CFAP65: variants seen among roughly 807,000 people sequenced by gnomAD.
CFAP65 encodes the protein cilia- and flagella-associated protein 65.
A neutral mutation model predicts 208.0 loss-of-function variants in CFAP65; 155 were observed. That is an observed-to-expected ratio of 0.75 (90% confidence interval 0.65 to 0.85). The LOEUF (loss-of-function observed/expected upper bound fraction) is 0.85. Ranked by LOEUF, CFAP65 falls within the 40% of genes least tolerant of loss-of-function variation. The probability of loss-of-function intolerance (pLI) is 0.00; values close to 1 mark genes in which losing one functional copy is unlikely to be tolerated. For missense variants in CFAP65, 2,294 were observed against 2,451.3 expected (o/e 0.94, Z 1.36); for synonymous variants, 970 against 986.3 (o/e 0.98, Z 0.31).
At chr2:219,035,397 GTTTGT>G (rs752075836) in intron 5 of CFAP65, 78 bp downstream of exon 5, 10 of 1,606,618 alleles carry the variant, frequency 6.2e-6, no homozygotes, top group South Asian at 4.4e-5. Flanking sequence ...GGTTTTTTTT[GTTTGT>G]TTTGTTTTGT....
intron 29 of CFAP65, among the ~76,000 whole-genome samples, chr2:219,007,583 A>T (rs545946647): frequency 6.6e-6 from 1 of 152,298 alleles, no homozygotes; most frequent in South Asian, 2.1e-4. Flanking sequence ...AGGAGCAAGA[A>T]TACCAGTGTA....
Position 219,003,327 on chromosome 2 carries a change from C to T in CFAP65, c.5556-55G>A, listed in dbSNP as rs1945710826. ...CGGCCGCAGTGCCCGCGCGCCTCCT[C>T]GCTCGCCTGTCCGTGCGGTACATTG... On this transcript the variant is annotated intron_variant, in intron 33 of 34. Coordinates refer to ENST00000341552, the MANE Select transcript of CFAP65 (RefSeq NM_194302.4). This position sits in a 1 kb window ranked among gnomAD's most constrained non-coding sequence, Gnocchi z 4.4. 9 of 1,473,184 alleles carry T rather than the reference C, an allele frequency of 6.1e-6. No individual in the cohort carries two copies. The highest frequency in any genetic ancestry group is 2.8e-5 in the South Asian group (2 of 71,908). 91.3% of individuals were successfully genotyped at this position (1,473,184 alleles called of 1,614,324 possible). A position where few individuals can be genotyped will look rare whatever the true frequency, so the allele number is the denominator to read the frequency against.
intron 15 of CFAP65, 117 bp downstream of exon 15, chr2:219,023,898 A>T: frequency 8.0e-7 from 1 of 1,246,160 alleles, no homozygotes; most frequent in Admixed American, 2.2e-5. Context: ...TACTTCCTGG[A>T]GGAGAAGTGG....
Position 219,032,446 on chromosome 2 carries a change from C to G in CFAP65, c.645+24G>C. ...CACTGCTCCCAGGTACCTCCCTGCC[C>G]TCACTCGCTGTGGCAGACCTTACCG... On this transcript the variant is annotated intron_variant, in intron 6 of 34. Coordinates refer to ENST00000341552, the MANE Select transcript of CFAP65 (RefSeq NM_194302.4). This position sits in a 1 kb window ranked among gnomAD's most constrained non-coding sequence, Gnocchi z 5.5. 1 of 1,557,500 alleles carries G rather than the reference C, an allele frequency of 6.4e-7. No individual in the cohort carries two copies. The highest frequency in any genetic ancestry group is 8.7e-7 in the Non-Finnish European group (1 of 1,149,034).
chr2:219,026,198 T>C, intron 13 of CFAP65, 39 bp from the exon 14 acceptor site: 2 of 1,593,180 alleles, frequency 1.3e-6, no homozygotes, highest in South Asian at 1.1e-5. Context: ...CTCAGAGTCC[T>C]GTGTCTGCCC....
intron 18 of CFAP65, 83 bp from the exon 19 acceptor site, chr2:219,021,363 G>GT: frequency 7.0e-7 from 1 of 1,424,374 alleles, no homozygotes; most frequent in Non-Finnish European, 9.2e-7. Context: ...CCCTTCCCTG[G>GT]GCACCAGGGG....
At position 219,024,014 on chromosome 2, in the gene CFAP65, C is replaced by A; in HGVS notation, c.2595+1G>T. The A allele has an allele frequency of 6.2e-7, 1 of 1,612,632 alleles. No individual in the cohort carries two copies. The highest frequency in any genetic ancestry group is 8.5e-7 in the Non-Finnish European group (1 of 1,179,056). ...CCAGGTCCCCTCCCTCTGCCTCCTA[C>A]CTTGAGATACTGGGGGGAAGCATTG... On this transcript the variant is annotated splice_donor_variant, in intron 15 of 34. Transcript: ENST00000341552. LOFTEE classifies it high-confidence loss of function.
chr2:219,040,482 T>G (rs1948600127), intron 2 of CFAP65, 37 bp downstream of exon 2: 1 of 1,042,838 alleles, frequency 9.6e-7, no homozygotes. Flanking sequence ...TACCAGGTAC[T>G]GTGCTAGGCA....
intron 15 of CFAP65, 87 bp downstream of exon 15, chr2:219,023,928 G>A: frequency 6.7e-7 from 1 of 1,499,032 alleles, no homozygotes; most frequent in Non-Finnish European, 9.0e-7. Context: ...AATCTTAGGG[G>A]CCAACCCCAG....
intron 21 of CFAP65, among the ~76,000 whole-genome samples, chr2:219,016,859 C>G (rs1484316168): frequency 1.3e-5 from 2 of 152,234 alleles, no homozygotes; most frequent in African/African-American, 4.8e-5. Context: ...TTCAAAGGCC[C>G]TGTATGTCCT....
At chr2:219,021,704 C>A in intron 18 of CFAP65, 76 bp downstream of exon 18, 1 of 1,524,790 alleles carries the variant, frequency 6.6e-7, no homozygotes, top group South Asian at 1.2e-5. Flanking sequence ...TGCCAGTGTG[C>A]CCAGCAGGTT....
At chr2:219,007,664 C>A (rs1202033432) in intron 29 of CFAP65, among the ~76,000 whole-genome samples, 1 of 152,094 alleles carries the variant, frequency 6.6e-6, no homozygotes, top group African/African-American at 2.4e-5. Flanking sequence ...GACCCTCCCC[C>A]TCCCAAAACA....
At chr2:219,019,772 G>GAGGGGGCATGCAGGCCAAAGGTGC in intron 19 of CFAP65, 53 bp from the exon 20 acceptor site, 1 of 1,514,690 alleles carries the variant, frequency 6.6e-7, no homozygotes, top group African/African-American at 1.4e-5. Context: ...ACCTTCCCTG[G>GAGGGGGCATGCAGGCCAAAGGTGC]AGGGGGCATG....
In CFAP65 at chr2:219,004,118, C is replaced by T. The variant is rs1317152780; in HGVS notation, c.5389G>A (p.Glu1797Lys). ...EEELGKEEIE[E>K]KEEERDEKEE... Reference sequence around the variant, plus strand: ...TTCTCATCCCTCTCCTCCTCCTTCTCCTCTATCTCCTCCTTGCCCAACTCC... The same window carrying T: ...TTCTCATCCCTCTCCTCCTCCTTCTTCTCTATCTCCTCCTTGCCCAACTCC... The change falls in exon 33 of 35, where the codon GAG becomes AAG. Residue 1797 changes from glutamate (E) to lysine (K), a missense_variant. This residue lies in a region of CFAP65 where 1,427 missense variants were observed against 1,438.7 expected (regional missense o/e 0.99). Transcript: ENST00000341552. This position sits in a 1 kb window ranked among gnomAD's most constrained non-coding sequence, Gnocchi z 4.7. 3 of 1,613,980 alleles carry T rather than the reference C, an allele frequency of 1.9e-6. No homozygotes were observed. Among genetic ancestry groups the T allele is most frequent in the Non-Finnish European group, 2.5e-6 (3 of 1,180,022 alleles).
intron 9 of CFAP65, 152 bp downstream of exon 9, chr2:219,030,537 G>T: frequency 9.3e-7 from 1 of 1,078,948 alleles, no homozygotes; most frequent in Non-Finnish European, 1.3e-6. Context: ...CAGCTGAGGA[G>T]AAGGACACAC....
At chr2:219,019,413 T>C in intron 20 of CFAP65, 93 bp downstream of exon 20, 1 of 1,198,414 alleles carries the variant, frequency 8.3e-7, no homozygotes, top group Non-Finnish European at 1.2e-6. Flanking sequence ...GGGAAACAGC[T>C]TCCTTGTTCT....
Position 219,010,592 on chromosome 2 carries a change from G to C in CFAP65, c.4262C>G (p.Ser1421Trp), listed in dbSNP as rs374796791. The C allele has an allele frequency of 2.5e-6, 4 of 1,611,756 alleles. No homozygotes were observed. In the South Asian group the frequency reaches 3.3e-5, roughly 13 times the overall value. Residue 1421 changes from serine to tryptophan, a missense_variant, in exon 26 of 35, where the codon TCG (serine) becomes TGG (tryptophan). Ser to Trp is a radical substitution (Grantham distance 177). Transcript: ENST00000341552. ...AGAGTGTATGGAACTGTTGTCCCAC[G>C]AGGAGATGTTGTGGAATGGGGCTGT... ...GDTAPFHNISSWDNSSIHSRL... is the reference protein window; with the variant it reads ...GDTAPFHNISWWDNSSIHSRL...
chr2:219,021,312 G>T (rs1384817064), intron 18 of CFAP65, 32 bp from the exon 19 acceptor site: 1 of 1,531,422 alleles, frequency 6.5e-7, no homozygotes, highest in South Asian at 1.3e-5. Flanking sequence ...GGGTCAGTGG[G>T]TAGAGGAGGC....
chr2:219,021,853 G>A lies in CFAP65; in HGVS notation c.3057C>T (p.Asp1019=), dbSNP rs552052317. The A allele has an allele frequency of 2.8e-5, 45 of 1,613,796 alleles. No individual in the cohort carries two copies. Among genetic ancestry groups the A allele is most frequent in the East Asian group, 1.1e-4 (5 of 44,874 alleles). The change falls in exon 18 of 35, where the codon GAC becomes GAT. Residue 1019 remains aspartate, a synonymous_variant. Coordinates refer to ENST00000341552, the MANE Select transcript of CFAP65 (RefSeq NM_194302.4). ...GGCGGTAATAGAGGGTGCAGTTGCC[G>A]TCATTCAGGAGGACAAGGAACCTGG... The part of the protein sequence containing the change: ...KQSRFLVLLN[D]GNCTLYYRLY...
Sources: gnomAD v4.1 joint callset for allele counts (sites outside exome capture counted in the v4.1 genomes callset) on GRCh38, gnomAD v4.1.1 for gene constraint, gnomAD v4.1.1 regional missense constraint, Gnocchi (gnomAD v3.1) non-coding constraint, MANE v1.5 for transcripts, NCBI Gene and HGNC (gene_info 2026-07-23, HGNC 2026-07-21) for gene names.